Variants in ELOVL7 observed in about 807,000 individuals in gnomAD.
ELOVL7 encodes very long chain fatty acid elongase 7.
Under a neutral mutation model 35.7 loss-of-function variants are expected in ELOVL7, and 27 were observed. That is an observed-to-expected ratio of 0.76 (90% CI 0.56 to 1.04). ELOVL7 has a LOEUF of 1.04. Ranked by LOEUF, ELOVL7 falls within the 50% of genes least tolerant of loss-of-function variation. The probability of loss-of-function intolerance (pLI) is 0.00; values close to 1 mark genes in which losing one functional copy is unlikely to be tolerated. For missense variants in ELOVL7, 327 were observed against 340.8 expected (o/e 0.96, Z 0.32); for synonymous variants, 113 against 114.6 (o/e 0.99, Z 0.09).
intron 1 of ELOVL7, among the ~76,000 whole-genome samples, chr5:60,818,866 G>C (rs1745695022): frequency 6.6e-6 from 1 of 151,328 alleles, no homozygotes; most frequent in Non-Finnish European, 1.5e-5. Context: ...AAATTAGCTG[G>C]GCATGGTGGT....
chr5:60,839,684 C>T (rs1484332554), intron 1 of ELOVL7, among the ~76,000 whole-genome samples: 4 of 152,164 alleles, frequency 2.6e-5, no homozygotes, highest in Non-Finnish European at 5.9e-5. Flanking sequence ...ACCATGGCTC[C>T]GGAATTCCGT....
intron 1 of ELOVL7, among the ~76,000 whole-genome samples, chr5:60,832,613 C>G (rs1746546428): frequency 6.6e-6 from 1 of 152,196 alleles, no homozygotes. Flanking sequence ...ATCTGCCCAC[C>G]TCAGCCTCCC....
At position 60,760,854 on chromosome 5, in the gene ELOVL7, A is replaced by C. The variant is rs551958502; in HGVS notation, c.500-3209T>G. Among the ~76,000 whole-genome samples the C allele has an allele frequency of 3.9e-5, 6 of 152,216 alleles. No homozygotes were observed. In the South Asian group the frequency reaches 1.2e-3, roughly 32 times the overall value. ...AAGGGATCCAGTTTCAGGAGTGCCTATTTTCTATTTGGATATTTTCACCAT... is the reference window on the plus strand; with the variant it reads ...AAGGGATCCAGTTTCAGGAGTGCCTCTTTTCTATTTGGATATTTTCACCAT... On this transcript the variant is annotated intron_variant, in intron 7 of 8. Transcript: ENST00000508821.
At chr5:60,807,527 G>A (rs1232900776) in intron 1 of ELOVL7, among the ~76,000 whole-genome samples, 5 of 55,638 alleles carry the variant, frequency 9.0e-5, no homozygotes, top group African/African-American at 2.9e-4. Context: ...ATATTCATTT[G>A]ATGAAAAAAA....
At chr5:60,780,371 C>T (rs1325457423) in intron 3 of ELOVL7, among the ~76,000 whole-genome samples, 5 of 151,978 alleles carry the variant, frequency 3.3e-5, no homozygotes, top group South Asian at 2.1e-4. Context: ...TCACCCGCCT[C>T]GGCCTCCCAA....
intron 3 of ELOVL7, among the ~76,000 whole-genome samples, chr5:60,776,847 C>T (rs935420448): frequency 1.3e-5 from 2 of 151,998 alleles, no homozygotes; most frequent in Non-Finnish European, 2.9e-5. Flanking sequence ...TAAACTTGCA[C>T]GTGTACCACC....
chr5:60,782,918 G>A (rs1743349067), intron 3 of ELOVL7, among the ~76,000 whole-genome samples: 2 of 152,124 alleles, frequency 1.3e-5, no homozygotes, highest in Non-Finnish European at 2.9e-5. Context: ...TTTCAAAATT[G>A]TAAAAAGTAA....
chr5:60,800,722 G>A (rs78200810), intron 1 of ELOVL7, among the ~76,000 whole-genome samples: 1,620 of 152,236 alleles, frequency 0.011, 13 homozygotes, highest in Middle Eastern at 0.024. Flanking sequence ...ATCTCACTGC[G>A]TGTTTGAATG....
intron 3 of ELOVL7, among the ~76,000 whole-genome samples, chr5:60,774,108 G>C (rs1446862453): frequency 6.6e-6 from 1 of 152,140 alleles, no homozygotes; most frequent in Non-Finnish European, 1.5e-5. Flanking sequence ...AATTGAGGAG[G>C]AGAGATTCCT....
chr5:60,816,470 A>G (rs967197954), intron 1 of ELOVL7, among the ~76,000 whole-genome samples: 3 of 152,190 alleles, frequency 2.0e-5, no homozygotes, highest in East Asian at 3.8e-4. Context: ...ATTGGGATCA[A>G]TAAGACAAGG....
intron 1 of ELOVL7, among the ~76,000 whole-genome samples, chr5:60,822,828 G>A (rs1745962553): frequency 6.6e-6 from 1 of 152,156 alleles, no homozygotes; most frequent in Non-Finnish European, 1.5e-5. Context: ...AACAAAAGTG[G>A]GAAAAATTCT....
At chr5:60,802,402 C>T (rs556167017) in intron 1 of ELOVL7, among the ~76,000 whole-genome samples, 2 of 152,012 alleles carry the variant, frequency 1.3e-5, no homozygotes, top group East Asian at 1.9e-4. Context: ...TCAGACATGA[C>T]GACACCCATG....
intron 1 of ELOVL7, among the ~76,000 whole-genome samples, chr5:60,833,123 G>C (rs1746586070): frequency 6.6e-6 from 1 of 152,172 alleles, no homozygotes; most frequent in African/African-American, 2.4e-5. Context: ...CAAAAATTCA[G>C]TGTCAAGTCA....
At chr5:60,837,400 T>G (rs1398683134) in intron 1 of ELOVL7, among the ~76,000 whole-genome samples, 2 of 149,932 alleles carry the variant, frequency 1.3e-5, no homozygotes, top group Non-Finnish European at 3.0e-5. Context: ...GAGGTTGCAG[T>G]GAGCCAAGAT....
chr5:60,836,254 G>T (rs1561477495), intron 1 of ELOVL7, among the ~76,000 whole-genome samples: 1 of 152,042 alleles, frequency 6.6e-6, no homozygotes, highest in Non-Finnish European at 1.5e-5. Context: ...CTCACAGCTT[G>T]ATTTAAAAAA....
At chr5:60,839,294 G>A (rs4700396) in intron 1 of ELOVL7, among the ~76,000 whole-genome samples, 1 of 152,080 alleles carries the variant, frequency 6.6e-6, no homozygotes, top group Non-Finnish European at 1.5e-5. Context: ...TTGCAGTGAG[G>A]CAAGATCGCA....
Position 60,764,349 on chromosome 5 carries a change from A to AG in ELOVL7, c.394-18_394-17insC. On this transcript the variant is annotated splice_polypyrimidine_tract_variant and intron_variant, in intron 6 of 8. Coordinates refer to ENST00000508821, the MANE Select transcript of ELOVL7 (RefSeq NM_024930.3). ...AAAAAAGATCTGAAATAATTTAAAG[A>AG]ATATCAAGTTCACAGAAAATCATTT... 3 of 1,566,694 alleles carry AG rather than the reference A, an allele frequency of 1.9e-6. No individual in the cohort carries two copies. The highest frequency in any genetic ancestry group is 2.6e-6 in the Non-Finnish European group (3 of 1,137,908).
At chr5:60,831,668 CAAAACTGTT>C (rs745377285) in intron 1 of ELOVL7, among the ~76,000 whole-genome samples, 8 of 152,126 alleles carry the variant, frequency 5.3e-5, no homozygotes, top group Admixed American at 6.5e-5. Flanking sequence ...GCATCTTTAG[CAAAACTGTT>C]AAAGTATTAT....
intron 1 of ELOVL7, among the ~76,000 whole-genome samples, chr5:60,817,659 T>C (rs370765229): frequency 3.7e-5 from 4 of 108,154 alleles, no homozygotes; most frequent in East Asian, 9.6e-4. Context: ...AGTATATATA[T>C]ACATATATAC....
Sources: gnomAD v4.1 joint callset for allele counts (sites outside exome capture counted in the v4.1 genomes callset) on GRCh38, gnomAD v4.1.1 for gene constraint, MANE v1.5 for transcripts, NCBI Gene and HGNC (gene_info 2026-07-23, HGNC 2026-07-21) for gene names.